Variants in TPTE observed in about 807,000 individuals in gnomAD.
The protein encoded by TPTE is transmembrane phosphatase with tensin homology.
In TPTE, 59 loss-of-function variants were observed where a neutral mutation model predicts 84.1. That is an observed-to-expected ratio of 0.70 (90% CI 0.57 to 0.87). The LOEUF (loss-of-function observed/expected upper bound fraction) is 0.87, where lower values mean the gene tolerates loss of function less well. Among genes scored for constraint, TPTE ranks in the 40% least tolerant of loss-of-function variants. The pLI, the probability that TPTE is intolerant of heterozygous loss-of-function variation, is 0.00. For synonymous variants in TPTE, 130 were observed against 223.5 expected, an observed-to-expected ratio of 0.58 and a Z score of 3.73; for missense variants, 382 against 659.6, an observed-to-expected ratio of 0.58 and a Z score of 4.61.
chr21:10,561,853 T>A (rs1273604309), intron 10 of TPTE, among the ~76,000 whole-genome samples: 2 of 152,312 alleles, frequency 1.3e-5, no homozygotes, highest in Non-Finnish European at 2.9e-5. Context: ...GTTTTTACGA[T>A]GTGATGACTG....
intron 1 of TPTE, among the ~76,000 whole-genome samples, chr21:10,523,709 T>C (rs2145566216): frequency 6.6e-6 from 1 of 152,422 alleles, no homozygotes; most frequent in African/African-American, 2.4e-5. Context: ...GTTGGACATT[T>C]GGGTTGGTTC....
intron 23 of TPTE, 84 bp from the exon 24 acceptor site, chr21:10,605,332 TC>T (rs1979148587): frequency 6.6e-7 from 1 of 1,507,726 alleles, no homozygotes; most frequent in East Asian, 2.4e-5. Flanking sequence ...TTTTTTTGTT[TC>T]TTCCAGCTCT....
intron 1 of TPTE, among the ~76,000 whole-genome samples, chr21:10,523,953 G>C (rs1341176531): frequency 6.6e-6 from 1 of 152,304 alleles, no homozygotes; most frequent in Non-Finnish European, 1.5e-5. Context: ...ATCCTCTCCA[G>C]CACCTGTTGT....
chr21:10,548,707 A>G (rs1357186624), intron 7 of TPTE, among the ~76,000 whole-genome samples: 1 of 152,298 alleles, frequency 6.6e-6, no homozygotes, highest in Admixed American at 6.5e-5. Context: ...ATGCACCTAT[A>G]TATTTGGTCC....
chr21:10,593,710 C>T (rs1248943394), intron 19 of TPTE, among the ~76,000 whole-genome samples: 3 of 152,306 alleles, frequency 2.0e-5, no homozygotes, highest in Non-Finnish European at 2.9e-5. Flanking sequence ...ATCTAGATGT[C>T]AGTCTCTGAA....
chr21:10,597,766 T>A (rs2075615650), intron 20 of TPTE, among the ~76,000 whole-genome samples: 1 of 152,302 alleles, frequency 6.6e-6, no homozygotes, highest in African/African-American at 2.4e-5. Flanking sequence ...GGATTCTAAG[T>A]CTTCGAAGCT....
At chr21:10,587,882 C>T (rs1265155466) in intron 17 of TPTE, among the ~76,000 whole-genome samples, 18 of 152,402 alleles carry the variant, frequency 1.2e-4, no homozygotes, top group Non-Finnish European at 2.2e-4. Flanking sequence ...TGGAGTCTTG[C>T]TCTGTCACCC....
At chr21:10,558,649 G>A (rs1232696310) in intron 8 of TPTE, among the ~76,000 whole-genome samples, 5 of 152,298 alleles carry the variant, frequency 3.3e-5, no homozygotes, top group East Asian at 1.9e-4. Flanking sequence ...CAGGCTGTGA[G>A]CATTGTCTTA....
intron 17 of TPTE, among the ~76,000 whole-genome samples, chr21:10,581,916 A>C (rs1211063724): frequency 2.6e-5 from 4 of 152,298 alleles, no homozygotes; most frequent in Non-Finnish European, 4.4e-5. Context: ...TGTATTTTTT[A>C]TAGAGACAGG....
At chr21:10,593,295 T>C (rs2075520806) in intron 19 of TPTE, among the ~76,000 whole-genome samples, 1 of 152,312 alleles carries the variant, frequency 6.6e-6, no homozygotes, top group Admixed American at 6.5e-5. Flanking sequence ...ACACTTTTTA[T>C]CATATCTAAC....
chr21:10,528,535 C>CT (rs2074121296), intron 3 of TPTE, among the ~76,000 whole-genome samples: 2 of 152,424 alleles, frequency 1.3e-5, no homozygotes, highest in South Asian at 4.1e-4. Context: ...TGGCAAATCT[C>CT]TAATATATTT....
At chr21:10,553,694 T>C (rs2074624267) in intron 8 of TPTE, among the ~76,000 whole-genome samples, 1 of 152,310 alleles carries the variant, frequency 6.6e-6, no homozygotes, top group African/African-American at 2.4e-5. Context: ...AATGCTGGTG[T>C]TTCATAACAG....
intron 5 of TPTE, among the ~76,000 whole-genome samples, 176 bp from the exon 6 acceptor site, chr21:10,542,219 A>G (rs552029663): frequency 3.9e-5 from 6 of 152,298 alleles, no homozygotes; most frequent in Non-Finnish European, 7.3e-5. Flanking sequence ...GGTTGTCGCC[A>G]TATAAATCCT....
At chr21:10,537,891 GAC>G (rs1279350217) in intron 3 of TPTE, among the ~76,000 whole-genome samples, 2 of 152,308 alleles carry the variant, frequency 1.3e-5, no homozygotes, top group African/African-American at 4.8e-5. Flanking sequence ...AAAAAACTTT[GAC>G]ACATGTGTCT....
At chr21:10,568,109 C>A (rs1392831217) in intron 11 of TPTE, among the ~76,000 whole-genome samples, 2 of 152,284 alleles carry the variant, frequency 1.3e-5, no homozygotes, top group African/African-American at 4.8e-5. Context: ...CCATTTGTAT[C>A]ATTTTTTGGC....
intron 23 of TPTE, among the ~76,000 whole-genome samples, chr21:10,604,206 TATTA>T (rs1568802157): frequency 6.6e-6 from 1 of 152,312 alleles, no homozygotes; most frequent in Non-Finnish European, 1.5e-5. Flanking sequence ...TCTGAAAAAT[TATTA>T]ATTGGATTTG....
At chr21:10,548,266 C>G (rs1369646401) in intron 7 of TPTE, among the ~76,000 whole-genome samples, 2 of 152,308 alleles carry the variant, frequency 1.3e-5, no homozygotes, top group African/African-American at 4.8e-5. Context: ...GCCCTTTAGG[C>G]CACCCCACAC....
chr21:10,577,928 CTG>C (rs2075192227), intron 15 of TPTE, among the ~76,000 whole-genome samples: 1 of 152,308 alleles, frequency 6.6e-6, no homozygotes, highest in Admixed American at 6.5e-5. Context: ...AAGCAAAAAA[CTG>C]TAGAAAATAG....
chr21:10,585,889 C>T (rs1220062494), intron 17 of TPTE, among the ~76,000 whole-genome samples: 38 of 152,344 alleles, frequency 2.5e-4, no homozygotes, highest in Non-Finnish European at 4.4e-4. Context: ...TTCACAATAT[C>T]ATTTTACCAT....
Sources: allele counts gnomAD v4.1 joint callset (sites outside exome capture counted in the v4.1 genomes callset), GRCh38; gene constraint gnomAD v4.1.1; transcripts MANE v1.5; gene names NCBI Gene and HGNC (gene_info 2026-07-23, HGNC 2026-07-21).